The following NEDD4 variants were observed in gnomAD, a reference collection of about 807,000 sequenced individuals.
The protein encoded by NEDD4 is NEDD4 E3 ubiquitin protein ligase.
NEDD4 carries 99 observed loss-of-function variants against 144.9 expected under a neutral mutation model. The ratio of observed to expected loss-of-function variants is 0.68; its 90% confidence interval spans 0.58 to 0.81. NEDD4 has a LOEUF of 0.81. NEDD4 is among the 30% of genes least tolerant of loss of function. The pLI is 0.00. For synonymous variants in NEDD4, 318 were observed against 350.6 expected, an observed-to-expected ratio of 0.91 and a Z score of 1.04; for missense variants, 985 against 1,065.9, an observed-to-expected ratio of 0.92 and a Z score of 1.06.
In NEDD4 at chr15:55,974,891, C is replaced by CTTTTTTT. The variant is rs56285555; in HGVS notation, c.46-8352_46-8346dup. On this transcript the variant is annotated intron_variant, in intron 1 of 28. Transcript: ENST00000435532. Reference sequence around the variant, plus strand: ...TAAGGATGTCCATTTCTTTTCCTTTCTTTTTTTTTTTTTTTTTTTTTGAGA... The same window carrying CTTTTTTT: ...TAAGGATGTCCATTTCTTTTCCTTTCTTTTTTTTTTTTTTTTTTTTTTTTTTTTGAGA... 2.4e-3 allele frequency among the ~76,000 whole-genome samples: 183 copies of CTTTTTTT among 75,690 alleles called. 6 individuals are homozygous for CTTTTTTT. The highest frequency in any genetic ancestry group is 3.9e-3 in the South Asian group (7 of 1,774). 49.7% of individuals were successfully genotyped at this position (75,690 alleles called of 152,430 possible). A position where few individuals can be genotyped will look rare whatever the true frequency, so the allele number is the denominator to read the frequency against.
rs9806133 is a variant in NEDD4, at chr15:55,971,414, C to T, written c.46-4868G>A. Among the ~76,000 whole-genome samples, 672 of 152,108 alleles carry T rather than the reference C, an allele frequency of 4.4e-3. 6 individuals are homozygous for T. Among genetic ancestry groups the T allele is most frequent in the African/African-American group, 0.016 (643 of 41,472 alleles). On this transcript the variant is annotated intron_variant, in intron 1 of 28. Transcript: ENST00000435532. ...CTGAGGCGAGTGGATCTCTTGAGGT[C>T]AGGAGTTCGAGACTAGTCTGTCCAA...
intron 4 of NEDD4, among the ~76,000 whole-genome samples, chr15:55,943,890 T>A (rs1373474612): frequency 1.3e-5 from 2 of 152,204 alleles, no homozygotes; most frequent in East Asian, 3.9e-4. Flanking sequence ...GCTGAAGGGA[T>A]TGTACCTTGC....
intron 2 of NEDD4, among the ~76,000 whole-genome samples, chr15:55,957,346 C>G (rs540632661): frequency 7.9e-5 from 12 of 152,220 alleles, no homozygotes; most frequent in Non-Finnish European, 1.5e-4. Context: ...AACATGAAAG[C>G]AGACAACTTT....
chr15:55,922,757 T>C (rs1465434538), intron 5 of NEDD4, among the ~76,000 whole-genome samples: 1 of 152,126 alleles, frequency 6.6e-6, no homozygotes, highest in Non-Finnish European at 1.5e-5. Context: ...TGGCTAGTAC[T>C]TGTGGAGGAA....
At chr15:55,906,037 A>T (rs1038733400) in intron 5 of NEDD4, among the ~76,000 whole-genome samples, 68 of 152,320 alleles carry the variant, frequency 4.5e-4, no homozygotes, top group East Asian at 4.2e-3. Context: ...AAAAATGCTC[A>T]TCATCACTGG....
intron 1 of NEDD4, among the ~76,000 whole-genome samples, chr15:55,989,007 A>T (rs1446396755): frequency 6.6e-6 from 1 of 152,180 alleles, no homozygotes; most frequent in Non-Finnish European, 1.5e-5. Flanking sequence ...AGGCCGAGGC[A>T]GGCGGATCAT....
chr15:55,938,361 A>G (rs1197297355), intron 4 of NEDD4, among the ~76,000 whole-genome samples: 1 of 152,166 alleles, frequency 6.6e-6, no homozygotes, highest in Non-Finnish European at 1.5e-5. Context: ...ACAAAACAAA[A>G]AACAAAACAA....
At chr15:55,923,659 A>AATATAT (rs1555404567) in intron 5 of NEDD4, among the ~76,000 whole-genome samples, 122 of 135,272 alleles carry the variant, frequency 9.0e-4, no homozygotes, top group South Asian at 8.1e-3. Flanking sequence ...AAAAAAAAAA[A>AATATAT]ATATATATAT....
Position 55,833,148 on chromosome 15 carries a change from G to A in NEDD4, c.2431-44C>T, listed in dbSNP as rs189952374. ...TCATTTAGGGAACAGCACTGGGAAA[G>A]AGGTAAACAAATTATCCTGAAACAT... On this transcript the variant is annotated intron_variant, in intron 26 of 28. Coordinates refer to ENST00000435532, the MANE Select transcript of NEDD4 (RefSeq NM_006154.4). 3.3e-6 allele frequency: 4 copies of A among 1,228,504 alleles called. No individual in the cohort carries two copies. The African/African-American group carries it at 4.5e-5, about 14-fold the overall frequency. 76.1% of individuals were successfully genotyped at this position (1,228,504 alleles called of 1,614,324 possible).
chr15:55,830,455 TAAC>T, intron 28 of NEDD4, 56 bp downstream of exon 28: 1 of 1,455,186 alleles, frequency 6.9e-7, no homozygotes, highest in East Asian at 2.3e-5. Context: ...GTGGCTAGAC[TAAC>T]AGAGGAATCT....
In NEDD4 at chr15:55,897,315, G is replaced by A. The variant is rs555781855; in HGVS notation, c.292-23307C>T. Among the ~76,000 whole-genome samples, 13 of 152,228 alleles carry A rather than the reference G, an allele frequency of 8.5e-5. No individual in the cohort carries two copies. In the South Asian group the frequency reaches 1.0e-3, roughly 12 times the overall value. On this transcript the variant is annotated intron_variant, in intron 5 of 28. Coordinates refer to ENST00000435532, the MANE Select transcript of NEDD4 (RefSeq NM_006154.4). The stretch of plus-strand genomic sequence containing the variant: ...TGGAAAACTCTGCTGTGTCATCTTC[G>A]TCTTACTTAATCCTTCCTTTGTAAA...
chr15:55,839,382 C>G (rs142859883), intron 21 of NEDD4, among the ~76,000 whole-genome samples: 1 of 151,868 alleles, frequency 6.6e-6, no homozygotes, highest in Non-Finnish European at 1.5e-5. Context: ...ATACCCAGCC[C>G]GAGTTAAAGA....
At chr15:55,989,007 A>G (rs1446396755) in intron 1 of NEDD4, among the ~76,000 whole-genome samples, 1 of 152,180 alleles carries the variant, frequency 6.6e-6, no homozygotes, top group African/African-American at 2.4e-5. Context: ...AGGCCGAGGC[A>G]GGCGGATCAT....
chr15:55,892,736 C>T (rs2035612515), intron 5 of NEDD4, among the ~76,000 whole-genome samples: 1 of 152,112 alleles, frequency 6.6e-6, no homozygotes, highest in African/African-American at 2.4e-5. Flanking sequence ...TTAGAGTTTT[C>T]TCTGACATAG....
chr15:55,987,130 C>G (rs1391214692), intron 1 of NEDD4: 2 of 113,210 alleles, frequency 1.8e-5, no homozygotes, highest in African/African-American at 3.5e-5. Flanking sequence ...CTCTCCAGCA[C>G]CTGTTGTTTC....
At chr15:55,915,780 T>C (rs781694615) in intron 5 of NEDD4, 4 of 1,613,678 alleles carry the variant, frequency 2.5e-6, no homozygotes, top group Admixed American at 3.3e-5. Context: ...AATTTTCTTC[T>C]GTAACGAGCC....
chr15:55,936,380 G>A (rs1353321724), intron 4 of NEDD4, among the ~76,000 whole-genome samples: 2 of 151,778 alleles, frequency 1.3e-5, no homozygotes, highest in African/African-American at 2.4e-5. Flanking sequence ...ATTTGTGTGC[G>A]TATGTAGGTA....
At chr15:55,879,627 C>A (rs2035113461) in intron 5 of NEDD4, among the ~76,000 whole-genome samples, 1 of 152,002 alleles carries the variant, frequency 6.6e-6, no homozygotes, top group African/African-American at 2.4e-5. Context: ...AGAATCAAGT[C>A]AAATTGCAAG....
At chr15:55,950,421 T>A (rs968113726) in intron 4 of NEDD4, among the ~76,000 whole-genome samples, 6 of 152,104 alleles carry the variant, frequency 3.9e-5, no homozygotes, top group Non-Finnish European at 8.8e-5. Context: ...AAACAAAAAA[T>A]CTTTAAACAT....
Sources: gnomAD v4.1 joint callset for allele counts (sites outside exome capture counted in the v4.1 genomes callset) on GRCh38, gnomAD v4.1.1 for gene constraint, MANE v1.5 for transcripts, NCBI Gene and HGNC (gene_info 2026-07-23, HGNC 2026-07-21) for gene names.